The following CTNNAL1 variants were observed in gnomAD, a reference collection of about 807,000 sequenced individuals.
The protein encoded by CTNNAL1 is alpha-catulin.
CTNNAL1 carries 69 observed loss-of-function variants against 93.6 expected under a neutral mutation model. That is an observed-to-expected ratio of 0.74 (90% CI 0.61 to 0.90). CTNNAL1 has a LOEUF of 0.90. CTNNAL1 is among the 40% of genes least tolerant of loss of function. The pLI is 0.00. For synonymous variants in CTNNAL1, 286 were observed against 305.4 expected, an observed-to-expected ratio of 0.94 and a Z score of 0.66; for missense variants, 836 against 862.0, an observed-to-expected ratio of 0.97 and a Z score of 0.38.
At chr9:108,990,938 G>T (rs762051557) in intron 3 of CTNNAL1, 93 bp from the exon 4 acceptor site, 9 of 1,432,614 alleles carry the variant, frequency 6.3e-6, no homozygotes, top group Non-Finnish European at 8.4e-6. Flanking sequence ...GGAAAATTCT[G>T]AATTCTAGGT....
intron 8 of CTNNAL1, among the ~76,000 whole-genome samples, chr9:108,975,073 G>C (rs1186018339): frequency 6.6e-6 from 1 of 152,118 alleles, no homozygotes; most frequent in Admixed American, 6.5e-5. Context: ...TGAGGCATGA[G>C]AATCGCTTGA....
intron 6 of CTNNAL1, 82 bp from the exon 7 acceptor site, chr9:108,979,563 C>T: frequency 1.6e-6 from 2 of 1,268,628 alleles, no homozygotes; most frequent in Non-Finnish European, 2.2e-6. Flanking sequence ...TCTAACAGTG[C>T]CCAGGAAAAC....
chr9:108,964,973 G>A (rs1477720761), intron 11 of CTNNAL1, among the ~76,000 whole-genome samples: 2 of 151,846 alleles, frequency 1.3e-5, no homozygotes, highest in African/African-American at 4.8e-5. Flanking sequence ...AGTGATTCTC[G>A]TGCCTCAGCC....
At chr9:109,010,666 T>C (rs1047255013) in intron 1 of CTNNAL1, among the ~76,000 whole-genome samples, 1 of 152,156 alleles carries the variant, frequency 6.6e-6, no homozygotes, top group Non-Finnish European at 1.5e-5. Context: ...AATCTGTGAA[T>C]GCAAAAAAAA....
rs753418455 is a variant in CTNNAL1 at position 108,965,486 on chromosome 9, T to C, written c.1483A>G (p.Lys495Glu). 2.8e-5 allele frequency: 44 copies of C among 1,592,134 alleles called. No homozygotes were observed. The highest frequency in any genetic ancestry group is 8.9e-5 in the Admixed American group (5 of 56,206). The change falls in exon 11 of 19, where the codon AAA becomes GAA. Residue 495 changes from lysine (K) to glutamate (E), a missense_variant. Lys to Glu is a moderately conservative substitution (Grantham distance 56). Coordinates refer to ENST00000325551, the MANE Select transcript of CTNNAL1 (RefSeq NM_003798.4). ...ACATCTAGGTTTTCTTTAGCAATTT[T>C]ACTAGATGGATGCAATGTCAATGTT... ...AETLTLHPSS[K>E]IAKENLDVFC...
intron 8 of CTNNAL1, 31 bp from the exon 9 acceptor site, chr9:108,972,864 G>GTGCCCC: frequency 7.0e-6 from 1 of 142,586 alleles, no homozygotes; most frequent in Non-Finnish European, 1.0e-5. Flanking sequence ...GGGGGGGTGG[G>GTGCCCC]AGGGTGGAGA....
At chr9:108,994,239 AAAAG>A (rs1267470338) in intron 2 of CTNNAL1, among the ~76,000 whole-genome samples, 1 of 152,128 alleles carries the variant, frequency 6.6e-6, no homozygotes, top group Non-Finnish European at 1.5e-5. Context: ...TCAAAAAAAA[AAAAG>A]AAAGATCAGT....
Position 108,968,335 on chromosome 9 carries a change from A to G in CTNNAL1, c.1440+2067T>C, listed in dbSNP as rs535044145. Among the ~76,000 whole-genome samples the G allele has an allele frequency of 6.3e-4, 96 of 152,344 alleles. 1 individual carries two copies. The highest frequency in any genetic ancestry group is 1.2e-3 in the Non-Finnish European group (82 of 68,022). On this transcript the variant is annotated intron_variant, in intron 10 of 18. Coordinates refer to ENST00000325551, the MANE Select transcript of CTNNAL1 (RefSeq NM_003798.4). ...GGAAGCTAAGGCTTTGGGAACAGAAAAAGCTTCTCAAGTTATGCAGGTTAT... is the reference window on the plus strand; with the variant it reads ...GGAAGCTAAGGCTTTGGGAACAGAAGAAGCTTCTCAAGTTATGCAGGTTAT...
Position 108,990,811 on chromosome 9 carries a change from T to C in CTNNAL1, c.554A>G (p.Asn185Ser), listed in dbSNP as rs921117221. ...TATTTGGACAAACTCTTGAAAGCTA[T>C]TCACTTTCTCTAGTCTTTCCATAGT... Reference protein sequence around the residue: ...LATMERLEKVNSFQEFVQIFS... With the variant: ...LATMERLEKVSSFQEFVQIFS... Residue 185 changes from asparagine to serine, a missense_variant, in exon 4 of 19, where the codon AAT (asparagine) becomes AGT (serine). By Grantham distance (46) the Asn-to-Ser change is conservative. Transcript: ENST00000325551. 2.5e-6 allele frequency: 4 copies of C among 1,613,484 alleles called. No homozygotes were observed. Among genetic ancestry groups the C allele is most frequent in the East Asian group, 4.5e-5 (2 of 44,848 alleles).
chr9:108,969,528 C>G (rs1390687608), intron 10 of CTNNAL1, among the ~76,000 whole-genome samples: 1 of 152,092 alleles, frequency 6.6e-6, no homozygotes, highest in Non-Finnish European at 1.5e-5. Flanking sequence ...CTGTACCCTA[C>G]TTTTTTCATT....
intron 1 of CTNNAL1, among the ~76,000 whole-genome samples, 154 bp from the exon 2 acceptor site, chr9:108,999,410 A>T (rs747645981): frequency 1.3e-5 from 2 of 152,350 alleles, no homozygotes; most frequent in Middle Eastern, 3.4e-3. Flanking sequence ...CCAGCAAAGT[A>T]TCCTGCATCA....
rs760896228 is a variant in CTNNAL1 at position 108,942,846 on chromosome 9, T to TA, written c.2140-13dup. On this transcript the variant is annotated splice_polypyrimidine_tract_variant and intron_variant, in intron 18 of 18. Transcript: ENST00000325551. Reference sequence around the variant, plus strand: ...TTTTCCATCTGAAGCTGGAAAGAGTTAAGACAATTAGTATCTGGTTTCACT... The same window carrying TA: ...TTTTCCATCTGAAGCTGGAAAGAGTTAAAGACAATTAGTATCTGGTTTCACT... 3.7e-6 allele frequency: 6 copies of TA among 1,613,510 alleles called. No individual in the cohort carries two copies. The East Asian group carries it at 1.3e-4, about 36-fold the overall frequency.
intron 2 of CTNNAL1, among the ~76,000 whole-genome samples, chr9:108,996,825 A>G (rs1420410473): frequency 6.6e-6 from 1 of 152,148 alleles, no homozygotes; most frequent in Non-Finnish European, 1.5e-5. Flanking sequence ...CTGTTTCATA[A>G]GCACCCACAC....
chr9:109,011,502 A>G (rs1320801720), intron 1 of CTNNAL1, among the ~76,000 whole-genome samples: 1 of 152,216 alleles, frequency 6.6e-6, no homozygotes, highest in Non-Finnish European at 1.5e-5. Context: ...CACAATGCAG[A>G]GCTGTAAGAC....
chr9:108,975,604 CAG>C (rs1220727138), intron 8 of CTNNAL1, among the ~76,000 whole-genome samples: 1 of 152,138 alleles, frequency 6.6e-6, no homozygotes, highest in Non-Finnish European at 1.5e-5. Context: ...GCTGGGAAAA[CAG>C]GGAACAGGGG....
chr9:109,011,340 G>C (rs983170267), intron 1 of CTNNAL1, among the ~76,000 whole-genome samples: 3 of 151,418 alleles, frequency 2.0e-5, no homozygotes, highest in African/African-American at 2.4e-5. Flanking sequence ...AACCTCAGCT[G>C]TGACCCTGAA....
chr9:108,997,216 T>A (rs927169191), intron 2 of CTNNAL1, among the ~76,000 whole-genome samples: 1 of 152,184 alleles, frequency 6.6e-6, no homozygotes, highest in Non-Finnish European at 1.5e-5. Flanking sequence ...TTTCCTTTAG[T>A]TAACAATCTA....
At chr9:109,003,630 C>T (rs775487642) in intron 1 of CTNNAL1, among the ~76,000 whole-genome samples, 2 of 152,076 alleles carry the variant, frequency 1.3e-5, no homozygotes, top group African/African-American at 4.8e-5. Context: ...CATTTTTGAA[C>T]AGGACTGTAT....
At chr9:108,972,868 G>GGGGGGCCCCCGGGC in intron 8 of CTNNAL1, 35 bp from the exon 9 acceptor site, 1 of 1,092,792 alleles carries the variant, frequency 9.2e-7, no homozygotes, top group Non-Finnish European at 1.2e-6. Flanking sequence ...GGGTGGGAGG[G>GGGGGGCCCCCGGGC]TGGAGAAGGA....
Sources: gnomAD v4.1 joint callset for allele counts (sites outside exome capture counted in the v4.1 genomes callset) on GRCh38, gnomAD v4.1.1 for gene constraint, MANE v1.5 for transcripts, NCBI Gene and HGNC (gene_info 2026-07-23, HGNC 2026-07-21) for gene names.